Variants in XRN1 observed in about 807,000 individuals in gnomAD.
XRN1 encodes strand-exchange protein 1 homolog.
In XRN1, 67 loss-of-function variants were observed where a neutral mutation model predicts 222.3. The observed-to-expected ratio is 0.30, with a 90% CI of 0.25 to 0.37. The LOEUF (loss-of-function observed/expected upper bound fraction) is 0.37. Among genes scored for constraint, XRN1 ranks in the 10% least tolerant of loss-of-function variants. XRN1 has a pLI of 1.00. For synonymous variants in XRN1, 643 were observed against 652.4 expected (o/e 0.99, Z 0.22); for missense variants, 1,707 against 2,000.2 (o/e 0.85, Z 2.80).
At chr3:142,413,486 G>A (rs982102219) in intron 14 of XRN1, among the ~76,000 whole-genome samples, 2 of 152,102 alleles carry the variant, frequency 1.3e-5, no homozygotes, top group African/African-American at 4.8e-5. Context: ...AGTAAAGGGG[G>A]TGTGTGTGTC....
At chr3:142,415,797 A>G (rs2068761999) in intron 13 of XRN1, among the ~76,000 whole-genome samples, 1 of 152,242 alleles carries the variant, frequency 6.6e-6, no homozygotes. Context: ...GGTGCTTTGA[A>G]CAAAACCAAA....
chr3:142,422,783 G>A (rs1476050782), intron 7 of XRN1, 33 bp from the exon 8 acceptor site: 1 of 1,604,340 alleles, frequency 6.2e-7, no homozygotes, highest in African/African-American at 1.3e-5. Flanking sequence ...GTCAAATCCA[G>A]TGAAAATTTC....
intron 27 of XRN1, among the ~76,000 whole-genome samples, chr3:142,369,050 C>T (rs1440688698): frequency 6.6e-6 from 1 of 151,928 alleles, no homozygotes; most frequent in East Asian, 1.9e-4. Flanking sequence ...ATTGAAAAAC[C>T]GATTCAAACT....
rs1029725256 is a variant in XRN1, at chr3:142,447,026, T to C, written c.75+844A>G. Among the ~76,000 whole-genome samples the C allele has an allele frequency of 1.3e-5, 2 of 152,236 alleles. No individual in the cohort carries two copies. Among genetic ancestry groups the C allele is most frequent in the African/African-American group, 4.8e-5 (2 of 41,462 alleles). ...GAAAAGAGATCAAATTCATTAAATG[T>C]GACAAACACCAAAGTATCACCCAAA... is the stretch of plus-strand genomic sequence containing the variant. On this transcript the variant is annotated intron_variant, in intron 1 of 40. Coordinates refer to ENST00000392981, the MANE Select transcript of XRN1 (RefSeq NM_001282857.2). This position sits in a 1 kb window ranked among gnomAD's most constrained non-coding sequence, Gnocchi z 4.2.
At chr3:142,369,065 G>A (rs1415284372) in intron 27 of XRN1, among the ~76,000 whole-genome samples, 1 of 152,146 alleles carries the variant, frequency 6.6e-6, no homozygotes, top group Non-Finnish European at 1.5e-5. Flanking sequence ...CAAACTCAGG[G>A]TGTTAGGGGA....
chr3:142,382,364 G>A (rs1559834596), intron 22 of XRN1, among the ~76,000 whole-genome samples: 1 of 152,118 alleles, frequency 6.6e-6, no homozygotes, highest in African/African-American at 2.4e-5. Context: ...ACAGACAAGA[G>A]ACCTTCCTTT....
intron 39 of XRN1, among the ~76,000 whole-genome samples, chr3:142,314,721 TG>T (rs2065160353): frequency 3.3e-5 from 5 of 151,600 alleles, no homozygotes; most frequent in Non-Finnish European, 5.9e-5. Flanking sequence ...CTGAACAACA[TG>T]GTGAAACCCT....
intron 5 of XRN1, 137 bp downstream of exon 5, chr3:142,425,085 G>T: frequency 1.8e-6 from 1 of 561,396 alleles, no homozygotes; most frequent in Non-Finnish European, 2.9e-6. Context: ...TTAGAAATTT[G>T]GTAATGATAG....
At chr3:142,380,052 A>G in intron 23 of XRN1, 30 bp downstream of exon 23, 1 of 1,557,054 alleles carries the variant, frequency 6.4e-7, no homozygotes, top group Admixed American at 1.9e-5. Flanking sequence ...TATCAATTCT[A>G]AATGAAACAA....
intron 33 of XRN1, among the ~76,000 whole-genome samples, chr3:142,339,327 C>T (rs988305479): frequency 1.3e-5 from 2 of 152,148 alleles, no homozygotes; most frequent in African/African-American, 2.4e-5. Flanking sequence ...TCCAAGACCA[C>T]CAAGATGGCA....
At chr3:142,417,023 A>C in intron 13 of XRN1, 117 bp downstream of exon 13, 1 of 744,378 alleles carries the variant, frequency 1.3e-6, no homozygotes. Context: ...AGTGAAAAAA[A>C]AAAAAAAAAA....
intron 25 of XRN1, 35 bp downstream of exon 25, chr3:142,375,763 T>C: frequency 6.5e-7 from 1 of 1,547,746 alleles, no homozygotes; most frequent in Non-Finnish European, 8.7e-7. Flanking sequence ...TCCTAAGATT[T>C]TGGAATGACT....
intron 39 of XRN1, chr3:142,313,193 A>ACCTCAAG (rs770919461): frequency 1.9e-6 from 3 of 1,612,002 alleles, no homozygotes; most frequent in Non-Finnish European, 1.7e-6. Context: ...AAACCAAAAA[A>ACCTCAAG]CCTCAAGTCC....
chr3:142,313,876 GT>G (rs1247758091), intron 39 of XRN1, among the ~76,000 whole-genome samples: 1 of 152,146 alleles, frequency 6.6e-6, no homozygotes, highest in African/African-American at 2.4e-5. Flanking sequence ...GGAGGTGGAG[GT>G]TGCAGTGAGC....
At chr3:142,324,747 T>A (rs1287842286) in intron 37 of XRN1, among the ~76,000 whole-genome samples, 1 of 152,080 alleles carries the variant, frequency 6.6e-6, no homozygotes, top group Non-Finnish European at 1.5e-5. Flanking sequence ...CCATATCCTC[T>A]CCAGCACCTG....
At chr3:142,405,268 C>G (rs1038984213) in intron 15 of XRN1, among the ~76,000 whole-genome samples, 192 bp from the exon 16 acceptor site, 5 of 152,042 alleles carry the variant, frequency 3.3e-5, no homozygotes, top group African/African-American at 1.2e-4. Context: ...TTCAAAGGGC[C>G]CTAGAATACT....
intron 33 of XRN1, among the ~76,000 whole-genome samples, chr3:142,342,458 G>C (rs1195265833): frequency 1.3e-5 from 2 of 151,970 alleles, no homozygotes; most frequent in Non-Finnish European, 2.9e-5. Context: ...AATTTACATG[G>C]AACCACAAAA....
At chr3:142,424,097 T>C (rs1294356727) in intron 5 of XRN1, among the ~76,000 whole-genome samples, 3 of 151,678 alleles carry the variant, frequency 2.0e-5, no homozygotes, top group Non-Finnish European at 4.4e-5. Flanking sequence ...TTTTCTCACA[T>C]AGTATCTTTT....
intron 32 of XRN1, among the ~76,000 whole-genome samples, chr3:142,351,935 C>T (rs1208795255): frequency 6.6e-6 from 1 of 151,108 alleles, no homozygotes; most frequent in East Asian, 1.9e-4. Context: ...CAGAATCGGC[C>T]TCACCTAAAG....
Sources: gnomAD v4.1 joint callset for allele counts (sites outside exome capture counted in the v4.1 genomes callset) on GRCh38, gnomAD v4.1.1 for gene constraint, Gnocchi (gnomAD v3.1) non-coding constraint, MANE v1.5 for transcripts, NCBI Gene and HGNC (gene_info 2026-07-23, HGNC 2026-07-21) for gene names.